The following SLC25A44 variants were observed in gnomAD, a reference collection of about 807,000 sequenced individuals.
The protein encoded by SLC25A44 is solute carrier family 25, member 44.
Under a neutral mutation model 29.9 loss-of-function variants are expected in SLC25A44, and 17 were observed. The ratio of observed to expected loss-of-function variants is 0.57; its 90% CI spans 0.39 to 0.85. SLC25A44 has a LOEUF of 0.85. SLC25A44 is among the 40% of genes least tolerant of loss of function. The probability of loss-of-function intolerance (pLI) is 0.00; values close to 1 mark genes in which losing one functional copy is unlikely to be tolerated. For synonymous variants in SLC25A44, 140 were observed against 151.8 expected (o/e 0.92, Z 0.57); for missense variants, 302 against 398.4 (o/e 0.76, Z 2.06).
At position 156,198,106 on chromosome 1, in the gene SLC25A44, A is replaced by C. The variant is rs926383649; in HGVS notation, c.-13-1729A>C. On this transcript the variant is annotated intron_variant, in intron 1 of 3. Transcript: ENST00000359511. The surrounding 1 kb of genome is among the most constrained non-coding windows in gnomAD (Gnocchi z 4.1). ...AGTGTAGAATGTTTCAGCCCCCTAGAGTTGTCCCTGTGATGTGGCTACCTC... is the reference window on the plus strand; with the variant it reads ...AGTGTAGAATGTTTCAGCCCCCTAGCGTTGTCCCTGTGATGTGGCTACCTC... 6.6e-6 allele frequency: 1 copy of C among 152,076 alleles called. No homozygotes were observed. Among genetic ancestry groups the C allele is most frequent in the Non-Finnish European group, 1.5e-5 (1 of 68,024 alleles). The allele number at this position is 152,076 out of a possible 1,614,324, so 9.4% of individuals were successfully genotyped here.
intron 2 of SLC25A44, among the ~76,000 whole-genome samples, chr1:156,202,331 A>G (rs1656635214): frequency 6.6e-6 from 1 of 152,038 alleles, no homozygotes; most frequent in Admixed American, 6.5e-5. Flanking sequence ...GACCTTTTCA[A>G]CTTGCGTTGT....
chr1:156,195,404 G>A (rs1191920892), intron 1 of SLC25A44, among the ~76,000 whole-genome samples: 1 of 152,136 alleles, frequency 6.6e-6, no homozygotes, highest in African/African-American at 2.4e-5. Flanking sequence ...TCAGTTCTCG[G>A]AAGGTCAGCC....
At chr1:156,208,685 A>G (rs1042049509) in intron 3 of SLC25A44, among the ~76,000 whole-genome samples, 2 of 152,198 alleles carry the variant, frequency 1.3e-5, no homozygotes, top group African/African-American at 4.8e-5. Context: ...TTGTGGTTAT[A>G]AGAAATATCG....
In SLC25A44 at chr1:156,207,892, TCTC is replaced by T. The variant is rs1206016798; in HGVS notation, c.635_637del (p.Ser212del). ...GTCTTTCCCTGGATTCCAGAGCAGCTCTCCTACCTGTGTCCTAAGGAGTGCCCT... is the reference window on the plus strand; with the variant it reads ...GTCTTTCCCTGGATTCCAGAGCAGCTCTACCTGTGTCCTAAGGAGTGCCCT... On this transcript the variant is annotated inframe_deletion, in exon 3 of 4. Coordinates refer to ENST00000359511, the MANE Select transcript of SLC25A44 (RefSeq NM_014655.4). The T allele has an allele frequency of 6.2e-7, 1 of 1,613,892 alleles. No individual in the cohort carries two copies. The highest frequency in any genetic ancestry group is 1.7e-5 in the Admixed American group (1 of 59,996).
chr1:156,195,063 C>T (rs993045164), intron 1 of SLC25A44, among the ~76,000 whole-genome samples: 1 of 151,864 alleles, frequency 6.6e-6, no homozygotes, highest in Admixed American at 6.6e-5. Flanking sequence ...TAACAAAATG[C>T]CTTCACAATT....
intron 1 of SLC25A44, chr1:156,197,831 C>T (rs1280601695): frequency 6.6e-6 from 1 of 152,180 alleles, no homozygotes; most frequent in South Asian, 2.1e-4. Flanking sequence ...CAATCCTTAC[C>T]TTGAAGCTAA....
rs1572466581 is a variant in SLC25A44, at chr1:156,210,375, G to A, written c.889G>A (p.Glu297Lys). The part of the protein sequence containing the change: ...PSTIVIVVGY[E>K]SLKKLSLRPE... Reference sequence around the variant, plus strand: ...CACCATTGTCATTGTGGTGGGCTATGAGAGCCTCAAGAAACTCAGCCTCCG... The same window carrying A: ...CACCATTGTCATTGTGGTGGGCTATAAGAGCCTCAAGAAACTCAGCCTCCG... The change falls in exon 4 of 4, where the codon GAG becomes AAG. Residue 297 changes from glutamate (E) to lysine (K), a missense_variant. By Grantham distance (56) the Glu-to-Lys change is moderately conservative. Transcript: ENST00000359511. 6.2e-7 allele frequency: 1 copy of A among 1,606,038 alleles called. No individual in the cohort carries two copies. Among genetic ancestry groups the A allele is most frequent in the Non-Finnish European group, 8.5e-7 (1 of 1,176,502 alleles).
In SLC25A44 at chr1:156,199,891, T is replaced by G. The variant is rs1249365680; in HGVS notation, c.44T>G (p.Leu15Arg). 1 of 1,614,040 alleles carries G rather than the reference T, an allele frequency of 6.2e-7. No individual in the cohort carries two copies. ...ATCCAGATCATCGAGTGGGAACACC[T>G]GGACAAGAAGAAGTTCTACGTGTTT... ...RNIQIIEWEHLDKKKFYVFGV... is the reference protein window; with the variant it reads ...RNIQIIEWEHRDKKKFYVFGV... Residue 15 changes from leucine to arginine, a missense_variant, in exon 2 of 4, where the codon CTG becomes CGG. Transcript: ENST00000359511.
chr1:156,203,501 G>T (rs1196261876), intron 2 of SLC25A44, among the ~76,000 whole-genome samples: 1 of 152,082 alleles, frequency 6.6e-6, no homozygotes, highest in East Asian at 1.9e-4. Context: ...CTATTATTAA[G>T]TACTCATTTA....
intron 2 of SLC25A44, among the ~76,000 whole-genome samples, chr1:156,202,575 T>C (rs1415882858): frequency 6.6e-6 from 1 of 152,216 alleles, no homozygotes; most frequent in African/African-American, 2.4e-5. Flanking sequence ...CCTGGCGCAA[T>C]CATGACTTAC....
chr1:156,210,083 C>T (rs538429883), intron 3 of SLC25A44, among the ~76,000 whole-genome samples, 157 bp from the exon 4 acceptor site: 39 of 152,222 alleles, frequency 2.6e-4, no homozygotes, highest in African/African-American at 9.4e-4. Flanking sequence ...CACCAGGGCT[C>T]ATACTAAATC....
At chr1:156,199,586 A>C (rs1054209222) in intron 1 of SLC25A44, 1 of 498,100 alleles carries the variant, frequency 2.0e-6, no homozygotes, top group African/African-American at 1.9e-5. Flanking sequence ...GAAGTGAGGG[A>C]CAATTTCTGG....
At chr1:156,205,368 TA>T (rs1365600678) in intron 2 of SLC25A44, among the ~76,000 whole-genome samples, 2 of 152,068 alleles carry the variant, frequency 1.3e-5, no homozygotes, top group Non-Finnish European at 2.9e-5. Context: ...AAAGGTATGA[TA>T]ACTGAACTAT....
Position 156,200,087 on chromosome 1 carries a change from T to TA in SLC25A44, c.241dup (p.Thr81AsnfsTer15). On this transcript the variant is annotated frameshift_variant, in exon 2 of 4. Coordinates refer to ENST00000359511, the MANE Select transcript of SLC25A44 (RefSeq NM_014655.4). LOFTEE classifies it high-confidence loss of function. ...GCCTCTACCGAGGGTTCCTGGTCAA[T>TA]ACCTTCACCCTCATCTCTGGCCAGT... 2.5e-6 allele frequency: 4 copies of TA among 1,614,156 alleles called. No individual in the cohort carries two copies. The highest frequency in any genetic ancestry group is 3.4e-6 in the Non-Finnish European group (4 of 1,180,026).
chr1:156,206,180 C>T (rs982363819), intron 2 of SLC25A44, among the ~76,000 whole-genome samples: 6 of 151,876 alleles, frequency 4.0e-5, no homozygotes, highest in African/African-American at 1.5e-4. Flanking sequence ...AGGCTCCTTA[C>T]CCACCTGGTT....
chr1:156,210,139 G>A lies in SLC25A44; in HGVS notation c.754-101G>A, dbSNP rs569423960. 7 of 791,342 alleles carry A rather than the reference G, an allele frequency of 8.8e-6. 1 individual carries two copies. The South Asian group carries it at 9.9e-5, about 11-fold the overall frequency. 49.0% of individuals were successfully genotyped at this position (791,342 alleles called of 1,614,324 possible). A position where few individuals can be genotyped will look rare whatever the true frequency, so the allele number is the denominator to read the frequency against. ...ACAAGCAGAATCCACACCTTCCGACGTCGGAGTCTGGTTCTCCCCACTTTA... is the reference window on the plus strand; with the variant it reads ...ACAAGCAGAATCCACACCTTCCGACATCGGAGTCTGGTTCTCCCCACTTTA... On this transcript the variant is annotated intron_variant, in intron 3 of 3. Coordinates refer to ENST00000359511, the MANE Select transcript of SLC25A44 (RefSeq NM_014655.4).
Position 156,210,490 on chromosome 1 carries a change from G to A in SLC25A44, c.*59G>A. ...CACTACCGTGGGTCAGGGGCAGAGT[G>A]GAGAGGACAGCACCCTCTCCAGGTG... On this transcript the variant is annotated 3_prime_UTR_variant, in exon 4 of 4. Transcript: ENST00000359511. 5 of 1,324,348 alleles carry A rather than the reference G, an allele frequency of 3.8e-6. No homozygotes were observed. Among genetic ancestry groups the A allele is most frequent in the Non-Finnish European group, 5.1e-6 (5 of 971,620 alleles). 82.0% of individuals were successfully genotyped at this position (1,324,348 alleles called of 1,614,324 possible).
In SLC25A44 at chr1:156,199,574, T is replaced by C. The variant is rs147999167; in HGVS notation, c.-13-261T>C. On this transcript the variant is annotated intron_variant, in intron 1 of 3. Coordinates refer to ENST00000359511, the MANE Select transcript of SLC25A44 (RefSeq NM_014655.4). Reference sequence around the variant, plus strand: ...GGAGGCCATGGAGCCAGGGGAATCATTGAAGTGAGGGACAATTTCTGGAGG... The same window carrying C: ...GGAGGCCATGGAGCCAGGGGAATCACTGAAGTGAGGGACAATTTCTGGAGG... 4.4e-5 allele frequency: 21 copies of C among 474,286 alleles called. No individual in the cohort carries two copies. The East Asian group carries it at 6.8e-4, about 15-fold the overall frequency. 29.4% of individuals were successfully genotyped at this position (474,286 alleles called of 1,614,324 possible).
At position 156,210,892 on chromosome 1, in the gene SLC25A44, G is replaced by A. The variant is rs866401730; in HGVS notation, c.*461G>A. 1 of 152,188 alleles carries A rather than the reference G, an allele frequency of 6.6e-6. No individual in the cohort carries two copies. Among genetic ancestry groups the A allele is most frequent in the Admixed American group, 6.6e-5 (1 of 15,248 alleles). 9.4% of individuals were successfully genotyped at this position (152,188 alleles called of 1,614,324 possible). A position where few individuals can be genotyped will look rare whatever the true frequency, so the allele number is the denominator to read the frequency against. ...CCTTGCTTATTTTTATTTTGGGACC[G>A]AGCTGCCCACTAGATGACTCTGCTT... On this transcript the variant is annotated 3_prime_UTR_variant, in exon 4 of 4. Transcript: ENST00000359511.
Sources: gnomAD v4.1 joint callset for allele counts (sites outside exome capture counted in the v4.1 genomes callset) on GRCh38, gnomAD v4.1.1 for gene constraint, Gnocchi (gnomAD v3.1) non-coding constraint, MANE v1.5 for transcripts, NCBI Gene and HGNC (gene_info 2026-07-23, HGNC 2026-07-21) for gene names.